Variants in ZSWIM7 observed in about 807,000 individuals in gnomAD.
ZSWIM7 encodes zinc finger SWIM-type containing 7.
In ZSWIM7, 22 loss-of-function variants were observed where a neutral mutation model predicts 21.1. The ratio of observed to expected loss-of-function variants is 1.04; its 90% CI spans 0.74 to 1.49. The LOEUF (loss-of-function observed/expected upper bound fraction) is 1.49. Ranked by LOEUF, ZSWIM7 falls within the 40% of genes most tolerant of loss-of-function variation. ZSWIM7 has a pLI of 0.00. For missense variants in ZSWIM7, 193 were observed against 168.0 expected, an observed-to-expected ratio of 1.15 and a Z score of -0.82; for synonymous variants, 67 against 66.5, an observed-to-expected ratio of 1.01 and a Z score of -0.04.
chr17:15,987,706 G>T (rs1199288066), intron 2 of ZSWIM7, among the ~76,000 whole-genome samples: 1 of 152,042 alleles, frequency 6.6e-6, no homozygotes, highest in Admixed American at 6.6e-5. Flanking sequence ...TGCCTCCCGA[G>T]TTCAAGCGAT....
chr17:15,999,476 G>C (rs1970637681), intron 1 of ZSWIM7, 43 bp downstream of exon 1: 2 of 1,588,696 alleles, frequency 1.3e-6, no homozygotes, highest in Non-Finnish European at 1.7e-6. Flanking sequence ...CGGATGCCCC[G>C]CCCGCGCCCA....
At chr17:15,990,937 G>A (rs1970474288) in intron 2 of ZSWIM7, 1 of 152,088 alleles carries the variant, frequency 6.6e-6, no homozygotes, top group Admixed American at 6.5e-5. Context: ...GGCCAAGGCA[G>A]GCGGAACTCC....
chr17:15,983,238 A>C (rs1597438194), intron 3 of ZSWIM7, among the ~76,000 whole-genome samples: 2 of 148,384 alleles, frequency 1.3e-5, no homozygotes, highest in East Asian at 4.1e-4. Context: ...CCAGCTACTC[A>C]GGAGGCTGAG....
chr17:15,979,830 A>AC (rs1284656050), intron 4 of ZSWIM7, among the ~76,000 whole-genome samples: 1 of 68,498 alleles, frequency 1.5e-5, no homozygotes, highest in Non-Finnish European at 2.8e-5. Context: ...CGGGGGGCTG[A>AC]CCCCCCCACC....
intron 2 of ZSWIM7, among the ~76,000 whole-genome samples, chr17:15,988,597 T>G (rs1970444028): frequency 6.6e-6 from 1 of 151,846 alleles, no homozygotes; most frequent in South Asian, 2.1e-4. Flanking sequence ...AGAGGATCAC[T>G]TGAGTCCAGG....
chr17:15,994,937 G>A (rs1970530239), intron 1 of ZSWIM7, among the ~76,000 whole-genome samples: 1 of 151,766 alleles, frequency 6.6e-6, no homozygotes, highest in African/African-American at 2.4e-5. Context: ...AATATGACTA[G>A]ACAGCCAAGG....
At chr17:15,995,843 C>T (rs1227038553) in intron 1 of ZSWIM7, among the ~76,000 whole-genome samples, 1 of 151,120 alleles carries the variant, frequency 6.6e-6, no homozygotes, top group Non-Finnish European at 1.5e-5. Context: ...AAAGGGCCCA[C>T]TGTGTGCCCA....
chr17:15,978,183 C>G lies in ZSWIM7; in HGVS notation c.307-20G>C. The G allele has an allele frequency of 2.5e-6, 4 of 1,589,408 alleles. No individual in the cohort carries two copies. The highest frequency in any genetic ancestry group is 2.6e-6 in the Non-Finnish European group (3 of 1,157,808). On this transcript the variant is annotated intron_variant, in intron 4 of 4. Coordinates refer to ENST00000399277, the MANE Select transcript of ZSWIM7 (RefSeq NM_001042697.2). Reference sequence around the variant, plus strand: ...CTTGCACTGGAATATAAAACACACACACCTATTAGAAACAGGCAGGGCCAG... The same window carrying G: ...CTTGCACTGGAATATAAAACACACAGACCTATTAGAAACAGGCAGGGCCAG...
chr17:15,978,295 A>G (rs977673126), intron 4 of ZSWIM7, 132 bp from the exon 5 acceptor site: 3 of 687,620 alleles, frequency 4.4e-6, no homozygotes, highest in Non-Finnish European at 5.1e-6. Context: ...TCTCTAACTG[A>G]TTGTCTAAAA....
chr17:15,981,162 A>G lies in ZSWIM7; in HGVS notation c.202-18T>C. On this transcript the variant is annotated intron_variant, in intron 3 of 4. Transcript: ENST00000399277. ...CCAAGGACCTACAAAGAAAGGATAG[A>G]TGGGATCAGACCTCAGATGTGCTGG... 1 of 1,596,976 alleles carries G rather than the reference A, an allele frequency of 6.3e-7. No homozygotes were observed. The highest frequency in any genetic ancestry group is 1.1e-5 in the South Asian group (1 of 90,498).
At chr17:15,988,347 C>T (rs1002246101) in intron 2 of ZSWIM7, among the ~76,000 whole-genome samples, 1 of 152,096 alleles carries the variant, frequency 6.6e-6, no homozygotes, top group Non-Finnish European at 1.5e-5. Context: ...TATGTATACA[C>T]TGAATTTTAT....
chr17:15,986,608 A>C (rs1170759546), intron 3 of ZSWIM7, among the ~76,000 whole-genome samples: 2 of 152,086 alleles, frequency 1.3e-5, no homozygotes, highest in Admixed American at 6.6e-5. Context: ...TTAAAACAAA[A>C]AAAAAAGTTG....
At chr17:15,991,815 C>T (rs1970485311) in intron 2 of ZSWIM7, among the ~76,000 whole-genome samples, 2 of 152,146 alleles carry the variant, frequency 1.3e-5, no homozygotes, top group East Asian at 1.9e-4. Flanking sequence ...CAAGGTCTCA[C>T]ATCACCCAGG....
intron 2 of ZSWIM7, among the ~76,000 whole-genome samples, 190 bp downstream of exon 2, chr17:15,993,567 C>A (rs1970511047): frequency 6.6e-6 from 1 of 151,586 alleles, no homozygotes. Flanking sequence ...GGGGTTTCAC[C>A]ATGTTGGCCA....
intron 1 of ZSWIM7, among the ~76,000 whole-genome samples, chr17:15,998,375 G>A (rs1434879572): frequency 6.6e-6 from 1 of 152,124 alleles, no homozygotes; most frequent in Non-Finnish European, 1.5e-5. Context: ...AACAAAGTTG[G>A]CTTATTTTTC....
intron 1 of ZSWIM7, 100 bp from the exon 2 acceptor site, chr17:15,993,878 T>C: frequency 1.2e-6 from 1 of 856,558 alleles, no homozygotes; most frequent in South Asian, 1.5e-5. Flanking sequence ...CTTCCGTGTG[T>C]GATGGTCAAC....
chr17:15,977,665 C>T lies in ZSWIM7; in HGVS notation c.*382G>A, dbSNP rs2151616580. 6.4e-6 allele frequency: 1 copy of T among 156,992 alleles called. No individual in the cohort carries two copies. The highest frequency in any genetic ancestry group is 1.4e-5 in the Non-Finnish European group (1 of 71,072). The allele number at this position is 156,992 out of a possible 1,614,324, so 9.7% of individuals were successfully genotyped here. On this transcript the variant is annotated 3_prime_UTR_variant, in exon 5 of 5. Transcript: ENST00000399277. ...CTTGCAGTGAGCTGAGATCACGCCACTGCACCCCAGCCTGGGCGACAAAGT... is the reference window on the plus strand; with the variant it reads ...CTTGCAGTGAGCTGAGATCACGCCATTGCACCCCAGCCTGGGCGACAAAGT...
chr17:15,998,658 G>A (rs1970600281), intron 1 of ZSWIM7, among the ~76,000 whole-genome samples: 1 of 151,880 alleles, frequency 6.6e-6, no homozygotes, highest in Non-Finnish European at 1.5e-5. Flanking sequence ...TAGCCAAAGA[G>A]TACCCTCTGC....
Position 15,981,101 on chromosome 17 carries a change from CAAG to C in ZSWIM7, c.242_244del (p.Ser81del). ...AAATGCAGGACATGAACAGTAATGA[CAAG>C]AAGCCAAACATGTGTATGTTTTACT... On this transcript the variant is annotated inframe_deletion, in exon 4 of 5. Transcript: ENST00000399277. The C allele has an allele frequency of 6.2e-7, 1 of 1,613,896 alleles. No individual in the cohort carries two copies. Among genetic ancestry groups the C allele is most frequent in the Non-Finnish European group, 8.5e-7 (1 of 1,179,882 alleles).
Sources: gnomAD v4.1 joint callset for allele counts (sites outside exome capture counted in the v4.1 genomes callset) on GRCh38, gnomAD v4.1.1 for gene constraint, MANE v1.5 for transcripts, NCBI Gene and HGNC (gene_info 2026-07-23, HGNC 2026-07-21) for gene names.